Variants in USP34 observed in about 807,000 individuals in gnomAD.
The protein encoded by USP34 is ubiquitin carboxyl-terminal hydrolase 34.
Under a neutral mutation model 460.3 loss-of-function variants are expected in USP34, and 70 were observed. That is an observed-to-expected ratio of 0.15 (90% CI 0.13 to 0.19). The LOEUF (loss-of-function observed/expected upper bound fraction) is 0.19. Among genes scored for constraint, USP34 ranks in the 10% least tolerant of loss-of-function variants. The probability of loss-of-function intolerance (pLI) is 1.00; values close to 1 mark genes in which losing one functional copy is unlikely to be tolerated. For missense variants in USP34, 3,985 were observed against 4,236.2 expected, an observed-to-expected ratio of 0.94 and a Z score of 1.65; for synonymous variants, 1,647 against 1,405.3, an observed-to-expected ratio of 1.17 and a Z score of -3.85.
chr2:61,289,191 CATAATTT>C (rs1471830006), intron 33 of USP34, among the ~76,000 whole-genome samples: 1 of 151,966 alleles, frequency 6.6e-6, no homozygotes, highest in Admixed American at 6.6e-5. Context: ...ACATACTGCT[CATAATTT>C]ATAATTTTTT....
At chr2:61,429,274 C>A (rs1029520734) in intron 1 of USP34, among the ~76,000 whole-genome samples, 1 of 151,856 alleles carries the variant, frequency 6.6e-6, no homozygotes, top group Non-Finnish European at 1.5e-5. Flanking sequence ...GGTGAAACCC[C>A]GTCTCTACTA....
chr2:61,453,286 C>T (rs187162911), intron 1 of USP34, among the ~76,000 whole-genome samples: 3 of 152,054 alleles, frequency 2.0e-5, no homozygotes, highest in East Asian at 1.9e-4. Context: ...TGGTGGCCTG[C>T]GCCTATAATC....
chr2:61,432,171 G>A (rs905352862), intron 1 of USP34, among the ~76,000 whole-genome samples: 4 of 149,044 alleles, frequency 2.7e-5, no homozygotes, highest in African/African-American at 7.4e-5. Context: ...AGAACCCACC[G>A]TTTTTCAATT....
Position 61,405,929 on chromosome 2 carries a change from A to G in USP34, c.331T>C (p.Cys111Arg), listed in dbSNP as rs1693857293. The change falls in exon 3 of 80, where the codon TGT (cysteine) becomes CGT (arginine). Residue 111 changes from cysteine (C) to arginine (R), a missense_variant. By Grantham distance (180) the Cys-to-Arg change is radical. Coordinates refer to ENST00000398571, the MANE Select transcript of USP34 (RefSeq NM_014709.4). ...TGTCTTTCTGTACTTCCTTCATTAC[A>G]CTCTCTATCTATATTCAGTGGTTCT... Reference protein sequence around the residue: ...AEEPLNIDRECNEGSTERQKS... With the variant: ...AEEPLNIDRERNEGSTERQKS... 1.9e-6 allele frequency: 3 copies of G among 1,612,850 alleles called. No homozygotes were observed. The highest frequency in any genetic ancestry group is 1.3e-5 in the African/African-American group (1 of 74,600).
intron 5 of USP34, among the ~76,000 whole-genome samples, chr2:61,387,697 A>G (rs1693199850): frequency 6.8e-6 from 1 of 147,252 alleles, no homozygotes; most frequent in African/African-American, 2.5e-5. Context: ...TTACATATAC[A>G]CACATGTAAA....
At chr2:61,406,758 A>C (rs1454365956) in intron 2 of USP34, among the ~76,000 whole-genome samples, 1 of 151,596 alleles carries the variant, frequency 6.6e-6, no homozygotes, top group Non-Finnish European at 1.5e-5. Context: ...TAATCCCAGC[A>C]CGTTGGGAGG....
chr2:61,438,579 G>T (rs541515694), intron 1 of USP34, among the ~76,000 whole-genome samples: 1 of 151,278 alleles, frequency 6.6e-6, no homozygotes, highest in African/African-American at 2.4e-5. Context: ...CAGCCTGGGC[G>T]ACAAGAGTGA....
At chr2:61,372,194 T>A (rs1692648946) in intron 8 of USP34, among the ~76,000 whole-genome samples, 1 of 152,146 alleles carries the variant, frequency 6.6e-6, no homozygotes, top group African/African-American at 2.4e-5. Flanking sequence ...ATTTACATTC[T>A]ATAATAGAAT....
At chr2:61,288,991 C>T in intron 33 of USP34, 114 bp from the exon 34 acceptor site, 1 of 1,038,496 alleles carries the variant, frequency 9.6e-7, no homozygotes, top group Non-Finnish European at 1.4e-6. Context: ...AGTACTTAAT[C>T]ATGTACTATA....
chr2:61,221,900 T>C (rs1217924833), intron 65 of USP34: 1 of 234,234 alleles, frequency 4.3e-6, no homozygotes, highest in Non-Finnish European at 8.2e-6. Flanking sequence ...ACTTACGATG[T>C]ACAACGTTTT....
chr2:61,433,160 C>T (rs1372212980), intron 1 of USP34, among the ~76,000 whole-genome samples: 1 of 152,178 alleles, frequency 6.6e-6, no homozygotes, highest in Non-Finnish European at 1.5e-5. Context: ...TGGAGACACA[C>T]CTGTTGGTGA....
At chr2:61,222,236 C>G (rs1321861601) in intron 65 of USP34, among the ~76,000 whole-genome samples, 1 of 152,172 alleles carries the variant, frequency 6.6e-6, no homozygotes, top group African/African-American at 2.4e-5. Context: ...TATAGCATTT[C>G]CATTTTACAA....
At chr2:61,404,047 G>C (rs932644169) in intron 3 of USP34, among the ~76,000 whole-genome samples, 24 of 114,938 alleles carry the variant, frequency 2.1e-4, no homozygotes, top group African/African-American at 6.4e-4. Flanking sequence ...AAGAAGGACA[G>C]AAAGTACAAC....
intron 69 of USP34, 124 bp downstream of exon 69, chr2:61,211,648 A>G: frequency 5.6e-6 from 6 of 1,076,048 alleles, no homozygotes; most frequent in Non-Finnish European, 7.5e-6. Flanking sequence ...GAACCTTCAA[A>G]ATGTTCCAAA....
At position 61,427,442 on chromosome 2, in the gene USP34, C is replaced by G. The variant is rs574221932; in HGVS notation, c.44-6609G>C. 1.8e-4 allele frequency among the ~76,000 whole-genome samples: 28 copies of G among 152,342 alleles called. No individual in the cohort carries two copies. In the South Asian group the frequency reaches 1.9e-3, roughly 10 times the overall value. On this transcript the variant is annotated intron_variant, in intron 1 of 79. Coordinates refer to ENST00000398571, the MANE Select transcript of USP34 (RefSeq NM_014709.4). Reference sequence around the variant, plus strand: ...CTTCAATGCCACTCAAGAACATCTACTAGCATCAACGCCATCCAGGAAAAC... The same window carrying G: ...CTTCAATGCCACTCAAGAACATCTAGTAGCATCAACGCCATCCAGGAAAAC...
intron 3 of USP34, among the ~76,000 whole-genome samples, chr2:61,397,996 G>T (rs6711827): frequency 7.2e-5 from 11 of 152,160 alleles, no homozygotes; most frequent in Admixed American, 7.2e-4. Flanking sequence ...GAACCCGCTT[G>T]GGGGAGGGGG....
chr2:61,240,611 T>C (rs552624095), intron 53 of USP34, among the ~76,000 whole-genome samples: 65 of 151,486 alleles, frequency 4.3e-4, no homozygotes, highest in African/African-American at 1.5e-3. Context: ...TTTTGCTCTG[T>C]TGCCCAGGCT....
chr2:61,189,265 TTTTTTTGTTTTG>T (rs1471271224), intron 78 of USP34, 196 bp from the exon 79 acceptor site: 2 of 548,954 alleles, frequency 3.6e-6, no homozygotes, highest in African/African-American at 3.9e-5. Flanking sequence ...AGTTGTTTTT[TTTTTTTGTTTTG>T]TTTTTGTTTT....
Position 61,281,190 on chromosome 2 carries a change from C to T in USP34, c.5051G>A (p.Gly1684Glu). The T allele has an allele frequency of 6.2e-7, 1 of 1,613,994 alleles. No individual in the cohort carries two copies. Among genetic ancestry groups the T allele is most frequent in the Non-Finnish European group, 8.5e-7 (1 of 1,179,954 alleles). Residue 1684 changes from glycine (G) to glutamate (E), a missense_variant, in exon 38 of 80, where the codon GGG (glycine) becomes GAG (glutamate). By Grantham distance (98) the Gly-to-Glu change is moderately conservative. Coordinates refer to ENST00000398571, the MANE Select transcript of USP34 (RefSeq NM_014709.4). The stretch of plus-strand genomic sequence containing the variant: ...ATTGATTGAGTCTCCTCCATCCAGC[C>T]CTGACAGGGATAACTTATAGAGACC... ...CSGLYKLSLS[G>E]LDGGDSINRS...
Sources: gnomAD v4.1 joint callset for allele counts (sites outside exome capture counted in the v4.1 genomes callset) on GRCh38, gnomAD v4.1.1 for gene constraint, MANE v1.5 for transcripts, NCBI Gene and HGNC (gene_info 2026-07-23, HGNC 2026-07-21) for gene names.